Variants in RNF149 observed in about 807,000 individuals in gnomAD.
The protein encoded by RNF149 is E3 ubiquitin-protein ligase RNF149.
A neutral mutation model predicts 39.0 loss-of-function variants in RNF149; 21 were observed. The observed-to-expected ratio is 0.54, with a 90% CI of 0.38 to 0.77. RNF149 has a LOEUF of 0.77. Among genes scored for constraint, RNF149 ranks in the 30% least tolerant of loss-of-function variants. The pLI is 0.00. For synonymous variants in RNF149, 209 were observed against 213.6 expected, an observed-to-expected ratio of 0.98 and a Z score of 0.19; for missense variants, 493 against 534.9, an observed-to-expected ratio of 0.92 and a Z score of 0.77.
Position 101,294,075 on chromosome 2 carries a change from C to G in RNF149, c.719G>C (p.Arg240Thr). 1 of 1,551,532 alleles carries G rather than the reference C, an allele frequency of 6.4e-7. No individual in the cohort carries two copies. Among genetic ancestry groups the G allele is most frequent in the Non-Finnish European group, 8.9e-7 (1 of 1,124,730 alleles). The change falls in exon 3 of 7, where the codon AGA (arginine) becomes ACA (threonine). Residue 240 changes from arginine (R) to threonine (T), a missense_variant. Coordinates refer to ENST00000295317, the MANE Select transcript of RNF149 (RefSeq NM_173647.4). The stretch of plus-strand genomic sequence containing the variant: ...GCCAATAACTTTCTTAGTTTCTTTT[C>G]TATGGCTCTTGGGTAGGAAAATATT... ...TGSQIGSQSH[R>T]KETKKVIGQL...
chr2:101,287,032 G>A (rs1180939622), intron 4 of RNF149, among the ~76,000 whole-genome samples: 1 of 152,188 alleles, frequency 6.6e-6, no homozygotes, highest in African/African-American at 2.4e-5. Flanking sequence ...AAAAGTAACA[G>A]TACTCGCGGC....
chr2:101,290,451 C>T (rs781292449), intron 3 of RNF149, among the ~76,000 whole-genome samples: 6 of 152,040 alleles, frequency 3.9e-5, no homozygotes, highest in South Asian at 2.1e-4. Context: ...CAAGTGTTCA[C>T]GGGTTGTTAA....
Position 101,277,056 on chromosome 2 carries a change from C to G in RNF149, c.*182G>C, listed in dbSNP as rs1682371618. 1 of 1,368,468 alleles carries G rather than the reference C, an allele frequency of 7.3e-7. No homozygotes were observed. The highest frequency in any genetic ancestry group is 1.5e-5 in the South Asian group (1 of 64,804). The allele number at this position is 1,368,468 out of a possible 1,614,324, so 84.8% of individuals were successfully genotyped here. The stretch of plus-strand genomic sequence containing the variant: ...ATTTTAGTAGATAAATATATGAGGA[C>G]TAATCGAAAAGTCTCTTCAAGAAGA... On this transcript the variant is annotated 3_prime_UTR_variant, in exon 7 of 7. Coordinates refer to ENST00000295317, the MANE Select transcript of RNF149 (RefSeq NM_173647.4).
intron 3 of RNF149, among the ~76,000 whole-genome samples, chr2:101,292,457 C>T (rs1212806866): frequency 2.0e-5 from 3 of 152,166 alleles, no homozygotes; most frequent in Admixed American, 2.0e-4. Flanking sequence ...ACATCTATGT[C>T]TTCTCATACT....
chr2:101,288,880 T>C lies in RNF149; in HGVS notation c.863+93A>G. The C allele has an allele frequency of 1.2e-5, 8 of 651,366 alleles. No individual in the cohort carries two copies. The South Asian group carries it at 1.6e-4, about 13-fold the overall frequency. The allele number at this position is 651,366 out of a possible 1,614,324, so 40.3% of individuals were successfully genotyped here. On this transcript the variant is annotated intron_variant, in intron 4 of 6. Transcript: ENST00000295317. Reference sequence around the variant, plus strand: ...GAAGAGATGATCACAAATTACAAGATCTTCATTATCATAAAAAACAAATAA... The same window carrying C: ...GAAGAGATGATCACAAATTACAAGACCTTCATTATCATAAAAAACAAATAA...
intron 3 of RNF149, among the ~76,000 whole-genome samples, chr2:101,291,099 A>G (rs1277036621): frequency 6.6e-6 from 1 of 152,224 alleles, no homozygotes; most frequent in African/African-American, 2.4e-5. Context: ...ATATTTAGCC[A>G]TGTGCACCAC....
intron 5 of RNF149, among the ~76,000 whole-genome samples, chr2:101,284,770 A>G (rs1228595793): frequency 6.6e-6 from 1 of 152,178 alleles, no homozygotes; most frequent in East Asian, 1.9e-4. Flanking sequence ...AGCTACATAA[A>G]GTGATCATCA....
chr2:101,297,675 A>G (rs920500560), intron 1 of RNF149, among the ~76,000 whole-genome samples: 1 of 152,196 alleles, frequency 6.6e-6, no homozygotes, highest in African/African-American at 2.4e-5. Flanking sequence ...GATATTTTAA[A>G]TAGCAGCTTT....
At chr2:101,278,257 T>TC (rs1326496754) in intron 6 of RNF149, among the ~76,000 whole-genome samples, 1 of 152,054 alleles carries the variant, frequency 6.6e-6, no homozygotes, top group Non-Finnish European at 1.5e-5. Flanking sequence ...GTTCAAGTGA[T>TC]CCTCCCACCT....
At chr2:101,297,877 T>C (rs184436824) in intron 1 of RNF149, among the ~76,000 whole-genome samples, 1 of 152,318 alleles carries the variant, frequency 6.6e-6, no homozygotes, top group East Asian at 1.9e-4. Flanking sequence ...TTTAAACACA[T>C]GAAAAGTCTT....
intron 1 of RNF149, chr2:101,307,692 G>T: frequency 3.2e-6 from 1 of 316,996 alleles, no homozygotes; most frequent in Non-Finnish European, 4.6e-6. Flanking sequence ...AAACCAGAGT[G>T]CCAACGAGCC....
chr2:101,279,153 CAA>C (rs1235188265), intron 6 of RNF149, among the ~76,000 whole-genome samples: 5 of 152,082 alleles, frequency 3.3e-5, no homozygotes, highest in African/African-American at 9.7e-5. Flanking sequence ...AAAAAAAGGA[CAA>C]AGAGAAAAAT....
chr2:101,273,421 TCTCTG>T (rs1682212825), downstream of RNF149: 4 of 453,636 alleles, frequency 8.8e-6, no homozygotes, highest in Non-Finnish European at 1.4e-5. Context: ...TTCCCCCAAT[TCTCTG>T]CATCTTATCA....
chr2:101,286,362 A>G lies in RNF149; in HGVS notation c.864-185T>C, dbSNP rs1349349851. ...ATATGAAACAGAATCTGGCACTTCT[A>G]GGGAAATTTTCCCTTCACTCTACAA... On this transcript the variant is annotated intron_variant, in intron 4 of 6. Coordinates refer to ENST00000295317, the MANE Select transcript of RNF149 (RefSeq NM_173647.4). 6.7e-6 allele frequency: 3 copies of G among 448,932 alleles called. No homozygotes were observed. The East Asian group carries it at 1.1e-4, about 16-fold the overall frequency. 27.8% of individuals were successfully genotyped at this position (448,932 alleles called of 1,614,324 possible). A position where few individuals can be genotyped will look rare whatever the true frequency, so the allele number is the denominator to read the frequency against.
At chr2:101,294,836 C>G (rs1683156642) in intron 2 of RNF149, 95 bp downstream of exon 2, 2 of 1,048,176 alleles carry the variant, frequency 1.9e-6, no homozygotes, top group Admixed American at 4.9e-5. Context: ...AAGCGAAAAT[C>G]AAGATTATGG....
downstream of RNF149, among the ~76,000 whole-genome samples, chr2:101,273,911 G>A (rs10496352): frequency 6.2e-3 from 936 of 152,134 alleles, 8 homozygotes; most frequent in Middle Eastern, 0.027. Flanking sequence ...AGATATGACC[G>A]TAATTATTCC....
intron 3 of RNF149, among the ~76,000 whole-genome samples, chr2:101,291,951 A>T (rs535108733): frequency 1.3e-5 from 2 of 152,344 alleles, no homozygotes; most frequent in South Asian, 4.1e-4. Flanking sequence ...AATAACATTA[A>T]GTTTAAAATG....
rs1682361860 is a variant in RNF149 at position 101,276,829 on chromosome 2, C to T, written c.*409G>A. The T allele has an allele frequency of 4.0e-6, 4 of 990,458 alleles. No individual in the cohort carries two copies. The highest frequency in any genetic ancestry group is 4.8e-6 in the Non-Finnish European group (4 of 832,686). 61.4% of individuals were successfully genotyped at this position (990,458 alleles called of 1,614,324 possible). On this transcript the variant is annotated 3_prime_UTR_variant, in exon 7 of 7. Coordinates refer to ENST00000295317, the MANE Select transcript of RNF149 (RefSeq NM_173647.4). ...AGGGAAAGCCCATGAGATCAATTATCGAATTGAATTATACAATTCCACTTC... is the reference window on the plus strand; with the variant it reads ...AGGGAAAGCCCATGAGATCAATTATTGAATTGAATTATACAATTCCACTTC...
chr2:101,289,072 A>T lies in RNF149; in HGVS notation c.781-17T>A. The T allele has an allele frequency of 1.4e-6, 2 of 1,448,074 alleles. No individual in the cohort carries two copies. The highest frequency in any genetic ancestry group is 1.9e-6 in the Non-Finnish European group (2 of 1,031,746). The allele number at this position is 1,448,074 out of a possible 1,614,324, so 89.7% of individuals were successfully genotyped here. On this transcript the variant is annotated splice_polypyrimidine_tract_variant and intron_variant, in intron 3 of 6. Transcript: ENST00000295317. ...ATCAATTCCCTGTAAAAAGAAAAGG[A>T]AAGTGTTACTACATTCTTGGTACAC...
Sources: allele counts gnomAD v4.1 joint callset (sites outside exome capture counted in the v4.1 genomes callset), GRCh38; gene constraint gnomAD v4.1.1; transcripts MANE v1.5; gene names NCBI Gene and HGNC (gene_info 2026-07-23, HGNC 2026-07-21).